MARCHF11: variants seen among roughly 807,000 people sequenced by gnomAD.
MARCHF11 encodes the protein membrane associated ring-CH-type finger 11, also known as E3 ubiquitin-protein ligase MARCHF11.
MARCHF11 carries 29 observed loss-of-function variants against 37.3 expected under a neutral mutation model. The observed-to-expected ratio is 0.78, with a 90% CI of 0.58 to 1.06. The LOEUF is 1.06. Ranked by LOEUF, MARCHF11 falls within the 50% of genes least tolerant of loss-of-function variation. The probability of loss-of-function intolerance (pLI) is 0.00; values close to 1 mark genes in which losing one functional copy is unlikely to be tolerated. For missense variants in MARCHF11, 482 were observed against 533.4 expected, an observed-to-expected ratio of 0.90 and a Z score of 0.95; for synonymous variants, 233 against 228.0, an observed-to-expected ratio of 1.02 and a Z score of -0.20.
chr5:16,156,997 T>C (rs1737988764), intron 2 of MARCHF11, among the ~76,000 whole-genome samples: 1 of 151,948 alleles, frequency 6.6e-6, no homozygotes, highest in African/African-American at 2.4e-5. Flanking sequence ...TTTATTGTCA[T>C]ACAAATTAAT....
At chr5:16,175,928 A>T (rs1234052037) in intron 2 of MARCHF11, among the ~76,000 whole-genome samples, 4 of 152,248 alleles carry the variant, frequency 2.6e-5, no homozygotes, top group African/African-American at 7.2e-5. Flanking sequence ...TAAATATGCT[A>T]ATAGTACCAG....
chr5:16,145,137 T>C (rs1737777963), intron 2 of MARCHF11, among the ~76,000 whole-genome samples: 2 of 152,146 alleles, frequency 1.3e-5, no homozygotes, highest in Admixed American at 6.5e-5. Context: ...AAAAAGCAGA[T>C]TATGGAAAGA....
intron 2 of MARCHF11, among the ~76,000 whole-genome samples, chr5:16,110,882 G>A (rs966023484): frequency 6.6e-6 from 1 of 152,122 alleles, no homozygotes; most frequent in African/African-American, 2.4e-5. Context: ...GTTGTGGGAG[G>A]GACCAGGTGA....
At chr5:16,172,437 A>G (rs998991397) in intron 2 of MARCHF11, among the ~76,000 whole-genome samples, 1 of 152,214 alleles carries the variant, frequency 6.6e-6, no homozygotes, top group Non-Finnish European at 1.5e-5. Context: ...GTAATAAAAC[A>G]CGTCTCCCCT....
intron 2 of MARCHF11, among the ~76,000 whole-genome samples, chr5:16,168,399 T>C (rs531945514): frequency 1.3e-5 from 2 of 152,194 alleles, no homozygotes; most frequent in South Asian, 4.1e-4. Flanking sequence ...GTTGTAATCT[T>C]GTTGGCTTCG....
intron 3 of MARCHF11, among the ~76,000 whole-genome samples, chr5:16,073,572 T>C (rs1736470576): frequency 6.7e-6 from 1 of 150,342 alleles, no homozygotes; most frequent in East Asian, 1.9e-4. Flanking sequence ...ATGAACTATA[T>C]ATAAATGTAA....
rs943636402 is a variant in MARCHF11 at position 16,091,077 on chromosome 5, T to C, written c.698A>G (p.Gln233Arg). 1 of 1,577,826 alleles carries C rather than the reference T, an allele frequency of 6.3e-7. No individual in the cohort carries two copies. The highest frequency in any genetic ancestry group is 8.6e-7 in the Non-Finnish European group (1 of 1,161,474). Residue 233 changes from glutamine (Q) to arginine (R), a missense_variant, in exon 3 of 4, where the codon CAG becomes CGG. By Grantham distance (43) the Gln-to-Arg change is conservative. Transcript: ENST00000332432. ...CTCAACCAGTGTTATAGAAATGCTC[T>C]GCCACTAAAAGAAAAACAGAGGCAT... ...AIKMKQPCQW[Q>R]SISITLVEKV...
intron 2 of MARCHF11, among the ~76,000 whole-genome samples, chr5:16,123,884 C>G (rs186771803): frequency 6.6e-6 from 1 of 152,092 alleles, no homozygotes; most frequent in Admixed American, 6.5e-5. Context: ...CCACCTTTTA[C>G]AATTCAATAT....
chr5:16,127,830 C>A (rs985255251), intron 2 of MARCHF11, among the ~76,000 whole-genome samples: 1 of 152,182 alleles, frequency 6.6e-6, no homozygotes, highest in African/African-American at 2.4e-5. Flanking sequence ...ACAGGATCTG[C>A]CCGCCCCTCT....
intron 3 of MARCHF11, among the ~76,000 whole-genome samples, chr5:16,086,260 G>A (rs762971785): frequency 1.3e-5 from 2 of 152,156 alleles, no homozygotes; most frequent in Admixed American, 6.5e-5. Context: ...CTAAACCCAC[G>A]TAAACCTAAT....
intron 2 of MARCHF11, among the ~76,000 whole-genome samples, chr5:16,103,626 T>A (rs192774432): frequency 2.9e-4 from 44 of 152,296 alleles, no homozygotes; most frequent in African/African-American, 9.6e-4. Context: ...GCTCTTGCCA[T>A]TCCCCATCAA....
intron 3 of MARCHF11, among the ~76,000 whole-genome samples, chr5:16,075,107 A>G (rs1019025791): frequency 5.3e-5 from 8 of 152,178 alleles, no homozygotes; most frequent in Admixed American, 5.2e-4. Context: ...AAAGGTTCTG[A>G]CACAGGTTAA....
At chr5:16,072,216 T>A (rs1022165676) in intron 3 of MARCHF11, among the ~76,000 whole-genome samples, 6 of 152,180 alleles carry the variant, frequency 3.9e-5, no homozygotes, top group Non-Finnish European at 2.9e-5. Context: ...AACACAAATT[T>A]GTCTAAAATG....
rs116285918 is a variant in MARCHF11, at chr5:16,118,677, G to A, written c.694-27596C>T. Among the ~76,000 whole-genome samples the A allele has an allele frequency of 4.5e-3, 686 of 152,250 alleles. 1 individual carries two copies. Among genetic ancestry groups the A allele is most frequent in the Non-Finnish European group, 7.0e-3 (477 of 68,010 alleles). On this transcript the variant is annotated intron_variant, in intron 2 of 3. Coordinates refer to ENST00000332432, the MANE Select transcript of MARCHF11 (RefSeq NM_001102562.3). Reference sequence around the variant, plus strand: ...ATCTAAACTACACTAAGCCGTCAGCGAGATAAAAGGAACCCAAGAGAGAGG... The same window carrying A: ...ATCTAAACTACACTAAGCCGTCAGCAAGATAAAAGGAACCCAAGAGAGAGG...
At chr5:16,179,008 C>A in intron 1 of MARCHF11, 31 bp downstream of exon 1, 2 of 1,402,006 alleles carry the variant, frequency 1.4e-6, no homozygotes, top group East Asian at 3.0e-5. Flanking sequence ...GGAGCCGCCA[C>A]CGGCTGCCTC....
intron 2 of MARCHF11, among the ~76,000 whole-genome samples, chr5:16,143,642 A>AT: frequency 6.6e-6 from 1 of 152,366 alleles, no homozygotes; most frequent in Admixed American, 6.5e-5. Context: ...TAACAAAGGC[A>AT]TTTTTTCCTC....
At chr5:16,125,619 CTGTGTGTGTGTGTGTGTGTGTG>C (rs34769733) in intron 2 of MARCHF11, among the ~76,000 whole-genome samples, 11 of 142,254 alleles carry the variant, frequency 7.7e-5, no homozygotes, top group South Asian at 4.7e-4. Flanking sequence ...GGCACACTCT[CTGTGTGTGTGTGTGTGTGTGTG>C]TGTGTGTGTG....
At chr5:16,145,378 C>T (rs577585155) in intron 2 of MARCHF11, among the ~76,000 whole-genome samples, 1 of 152,272 alleles carries the variant, frequency 6.6e-6, no homozygotes, top group African/African-American at 2.4e-5. Context: ...GCTCTTCCAC[C>T]ATGTGGGGAC....
At chr5:16,089,728 A>C (rs1736760739) in intron 3 of MARCHF11, among the ~76,000 whole-genome samples, 1 of 152,250 alleles carries the variant, frequency 6.6e-6, no homozygotes, top group Non-Finnish European at 1.5e-5. Context: ...ATTAAGTTGA[A>C]GTGATCTCAA....
Sources: allele counts gnomAD v4.1 joint callset (sites outside exome capture counted in the v4.1 genomes callset), GRCh38; gene constraint gnomAD v4.1.1; transcripts MANE v1.5; gene names NCBI Gene and HGNC (gene_info 2026-07-23, HGNC 2026-07-21).